Variants in COBL observed in about 807,000 individuals in gnomAD.
COBL encodes protein cordon-bleu.
A neutral mutation model predicts 98.8 loss-of-function variants in COBL; 51 were observed. The observed-to-expected ratio is 0.52, with a 90% CI of 0.41 to 0.65. The LOEUF is 0.65. Among genes scored for constraint, COBL ranks in the 30% least tolerant of loss-of-function variants. The probability of loss-of-function intolerance (pLI) is 0.00; values close to 1 mark genes in which losing one functional copy is unlikely to be tolerated. For missense variants in COBL, 1,617 were observed against 1,617.5 expected (o/e 1.00, Z 0.01); for synonymous variants, 634 against 651.7 (o/e 0.97, Z 0.41).
At chr7:51,048,428 CA>C in intron 7 of COBL, among the ~76,000 whole-genome samples, 1 of 152,166 alleles carries the variant, frequency 6.6e-6, no homozygotes, top group Admixed American at 6.5e-5. Context: ...TTTACAATGG[CA>C]AAAATATTTT....
chr7:51,168,391 G>A (rs973113947), intron 5 of COBL, among the ~76,000 whole-genome samples: 88 of 151,224 alleles, frequency 5.8e-4, no homozygotes, highest in African/African-American at 2.0e-3. Flanking sequence ...AGCCGAGATC[G>A]CACCACTGCA....
intron 1 of COBL, among the ~76,000 whole-genome samples, chr7:51,226,742 C>A (rs1794235083): frequency 6.6e-6 from 1 of 152,204 alleles, no homozygotes; most frequent in Non-Finnish European, 1.5e-5. Flanking sequence ...GGAATCCTCG[C>A]ATCCTGTACC....
chr7:51,263,091 T>C (rs1445313933), intron 1 of COBL, among the ~76,000 whole-genome samples: 1 of 152,098 alleles, frequency 6.6e-6, no homozygotes, highest in Non-Finnish European at 1.5e-5. Flanking sequence ...ACATTCTCAT[T>C]AATACAAAGT....
chr7:51,102,031 A>G (rs1795852588), intron 6 of COBL, among the ~76,000 whole-genome samples: 1 of 152,206 alleles, frequency 6.6e-6, no homozygotes, highest in African/African-American at 2.4e-5. Context: ...CTGCCATATG[A>G]GGACACAGCA....
intron 5 of COBL, among the ~76,000 whole-genome samples, chr7:51,163,485 T>TTAAGTGC (rs1456408721): frequency 1.3e-5 from 2 of 152,212 alleles, no homozygotes; most frequent in Admixed American, 1.3e-4. Flanking sequence ...CATTATTATT[T>TTAAGTGC]TAAGTGCTGT....
intron 6 of COBL, among the ~76,000 whole-genome samples, chr7:51,105,635 C>T (rs534771972): frequency 6.6e-6 from 1 of 152,182 alleles, no homozygotes; most frequent in East Asian, 1.9e-4. Context: ...CCTGTGGTCC[C>T]AGCTACACAG....
chr7:51,202,979 T>G (rs1344774326), intron 2 of COBL, among the ~76,000 whole-genome samples: 1 of 152,054 alleles, frequency 6.6e-6, no homozygotes, highest in Admixed American at 6.6e-5. Context: ...GGGCAGAGCT[T>G]GCAGTGATCC....
In COBL at chr7:51,190,925, C is replaced by A; in HGVS notation, c.610G>T (p.Gly204Ter). 6.2e-7 allele frequency: 1 copy of A among 1,614,152 alleles called. No individual in the cohort carries two copies. Among genetic ancestry groups the A allele is most frequent in the Non-Finnish European group, 8.5e-7 (1 of 1,180,016 alleles). The change falls in exon 4 of 13, where the codon GGA becomes TGA. Residue 204 changes from glycine (G) to a stop codon, truncating the protein, a stop_gained. Transcript: ENST00000265136. LOFTEE classifies it high-confidence loss of function. The stretch of plus-strand genomic sequence containing the variant: ...GACTTGGACAGCTCCAGCTCCTCTC[C>A]GGCAATGTTGTCCCTGAGGAGAACC... ...HVVLLRDNIA[G>*]EELELSKSLN...
chr7:51,223,241 G>GC (rs1793832113), intron 1 of COBL, among the ~76,000 whole-genome samples: 2 of 152,266 alleles, frequency 1.3e-5, no homozygotes, highest in Admixed American at 6.5e-5. Flanking sequence ...AGTGCTGTGA[G>GC]CATTAGTGTG....
intron 1 of COBL, among the ~76,000 whole-genome samples, chr7:51,307,990 G>A (rs1336376582): frequency 6.6e-6 from 1 of 152,208 alleles, no homozygotes; most frequent in Non-Finnish European, 1.5e-5. Flanking sequence ...AGGAGCAGGA[G>A]GAAGGAAGTT....
intron 5 of COBL, among the ~76,000 whole-genome samples, chr7:51,177,418 G>C (rs867587841): frequency 1.3e-5 from 2 of 152,248 alleles, no homozygotes; most frequent in African/African-American, 4.8e-5. Context: ...AAATCTACTA[G>C]ATAAAAGAGA....
At chr7:51,191,737 T>A in intron 3 of COBL, among the ~76,000 whole-genome samples, 1 of 152,188 alleles carries the variant, frequency 6.6e-6, no homozygotes, top group African/African-American at 2.4e-5. Flanking sequence ...AGTTGACTAA[T>A]GCTAATTCTA....
At chr7:51,117,726 C>T (rs1326161395) in intron 6 of COBL, among the ~76,000 whole-genome samples, 5 of 152,104 alleles carry the variant, frequency 3.3e-5, no homozygotes, top group African/African-American at 9.7e-5. Flanking sequence ...TTCACATTTT[C>T]GAATAGGTCG....
At position 51,209,050 on chromosome 7, in the gene COBL, A is replaced by T. The variant is rs1444357161; in HGVS notation, c.245+10691T>A. On this transcript the variant is annotated intron_variant, in intron 2 of 12. Coordinates refer to ENST00000265136, the MANE Select transcript of COBL (RefSeq NM_015198.5). The stretch of plus-strand genomic sequence containing the variant: ...AAACACCCAAGAATGATCAATTAAA[A>T]AAAAAAAAAAAAAAAAAAAAAACAT... 1.3e-4 allele frequency among the ~76,000 whole-genome samples: 12 copies of T among 92,384 alleles called. No homozygotes were observed. In the South Asian group the frequency reaches 5.4e-3, roughly 41 times the overall value. The allele number at this position is 92,384 out of a possible 152,430, so 60.6% of individuals were successfully genotyped here.
At chr7:51,252,782 T>G (rs778343181) in intron 1 of COBL, among the ~76,000 whole-genome samples, 1 of 152,262 alleles carries the variant, frequency 6.6e-6, no homozygotes, top group South Asian at 2.1e-4. Context: ...AATGTAATGG[T>G]TTTTTTCTCT....
intron 5 of COBL, among the ~76,000 whole-genome samples, chr7:51,176,409 G>GACAC (rs112105124): frequency 1.8e-4 from 27 of 149,404 alleles, no homozygotes; most frequent in Admixed American, 1.1e-3. Context: ...TACACACACA[G>GACAC]ACACACACAC....
chr7:51,106,038 C>CAAAA (rs527330225), intron 6 of COBL, among the ~76,000 whole-genome samples: 5 of 123,694 alleles, frequency 4.0e-5, no homozygotes, highest in African/African-American at 8.9e-5. Flanking sequence ...ACTAAAAATA[C>CAAAA]AAAAAAAAAA....
chr7:51,079,887 T>C (rs535249798), intron 7 of COBL, among the ~76,000 whole-genome samples: 99 of 152,374 alleles, frequency 6.5e-4, no homozygotes, highest in African/African-American at 2.3e-3. Context: ...GCCCCACATA[T>C]ACATGGCACT....
At chr7:51,134,532 T>A (rs1245825201) in intron 6 of COBL, among the ~76,000 whole-genome samples, 1 of 152,234 alleles carries the variant, frequency 6.6e-6, no homozygotes, top group East Asian at 1.9e-4. Flanking sequence ...AAGAAATTTT[T>A]AAAATGCTGG....
Sources: allele counts gnomAD v4.1 joint callset (sites outside exome capture counted in the v4.1 genomes callset), GRCh38; gene constraint gnomAD v4.1.1; transcripts MANE v1.5; gene names NCBI Gene and HGNC (gene_info 2026-07-23, HGNC 2026-07-21).